The following NCL variants were observed in gnomAD, a reference collection of about 807,000 sequenced individuals.
The protein encoded by NCL is nucleolin multifunctional protein.
In NCL, 4 loss-of-function variants were observed where a neutral mutation model predicts 77.7. The ratio of observed to expected loss-of-function variants is 0.05; its 90% CI spans 0.03 to 0.12. The LOEUF (loss-of-function observed/expected upper bound fraction) is 0.12, where lower values mean the gene tolerates loss of function less well. Among genes scored for constraint, NCL ranks in the 10% least tolerant of loss-of-function variants. The pLI, the probability that NCL is intolerant of heterozygous loss-of-function variation, is 1.00. For synonymous variants in NCL, 344 were observed against 297.8 expected (o/e 1.16, Z -1.60); for missense variants, 763 against 860.9 (o/e 0.89, Z 1.42).
At position 231,455,114 on chromosome 2, in the gene NCL, C is replaced by G. The variant is rs1252571539; in HGVS notation, c.*77G>C. 2.0e-6 allele frequency: 3 copies of G among 1,505,338 alleles called. No individual in the cohort carries two copies. The highest frequency in any genetic ancestry group is 2.8e-6 in the Non-Finnish European group (3 of 1,084,266). The allele number at this position is 1,505,338 out of a possible 1,614,324, so 93.2% of individuals were successfully genotyped here. On this transcript the variant is annotated 3_prime_UTR_variant, in exon 14 of 14. Transcript: ENST00000322723. ...TGTCTTGGAATGTCCTCAGAAGGCT[C>G]TGTCATTGATCAGGTAACAGTAAAA... is the stretch of plus-strand genomic sequence containing the variant.
At position 231,458,294 on chromosome 2, in the gene NCL, A is replaced by G. The variant is rs762577724; in HGVS notation, c.1261T>C (p.Leu421=). The G allele has an allele frequency of 3.7e-6, 6 of 1,614,106 alleles. No individual in the cohort carries two copies. The South Asian group carries it at 5.5e-5, about 15-fold the overall frequency. ...EVFEDAAEIR[L]VSKDGKSKGI... is the part of the protein sequence containing the mutation. ...TTACTTTTCCCATCCTTGCTGACTA[A>G]TCTGATCTCCGCAGCATCTTCAAAC... Residue 421 remains leucine, a synonymous_variant, in exon 8 of 14, where the codon TTA becomes CTA. Coordinates refer to ENST00000322723, the MANE Select transcript of NCL (RefSeq NM_005381.3).
chr2:231,460,783 C>T lies in NCL; in HGVS notation c.697G>A (p.Ala233Thr), dbSNP rs2046941904. The T allele has an allele frequency of 5.6e-6, 9 of 1,614,156 alleles. No homozygotes were observed. The highest frequency in any genetic ancestry group is 7.6e-6 in the Non-Finnish European group (9 of 1,180,014). ...KVVPVKAKNVAEDEDEEEDDE... is the reference protein window; with the variant it reads ...KVVPVKAKNVTEDEDEEEDDE... The stretch of plus-strand genomic sequence containing the variant: ...TCCTCTTCTTCATCTTCATCCTCAG[C>T]CACGTTCTTGGCTTTCACAGGAACA... Residue 233 changes from alanine to threonine, a missense_variant, in exon 4 of 14, where the codon GCT becomes ACT. Physicochemically the swap from Ala to Thr is moderately conservative, Grantham distance 58 (BLOSUM62 0). Transcript: ENST00000322723.
intron 8 of NCL, among the ~76,000 whole-genome samples, chr2:231,458,037 AT>A (rs1355727439): frequency 6.6e-6 from 1 of 152,224 alleles, no homozygotes; most frequent in Non-Finnish European, 1.5e-5. Flanking sequence ...CAAAGTATTT[AT>A]TGTAAGATAG....
chr2:231,455,444 T>G lies in NCL; in HGVS notation c.2013A>C (p.Gly671=), dbSNP rs754163466. 91 of 1,613,922 alleles carry G rather than the reference T, an allele frequency of 5.6e-5. No individual in the cohort carries two copies. Among genetic ancestry groups the G allele is most frequent in the Middle Eastern group, 1.6e-4 (1 of 6,084 alleles). The change falls in exon 13 of 14, where the codon GGA becomes GGC. Residue 671 remains glycine, a synonymous_variant. Coordinates refer to ENST00000322723, the MANE Select transcript of NCL (RefSeq NM_005381.3). ...GGFGGRGGGR[G]GRGGFGGRGR... ...CTCTGCCACCAAATCCTCCTCGGCC[T>G]CCTCTACCACCACCTCGTCCTCCAA... is the stretch of plus-strand genomic sequence containing the variant.
chr2:231,458,832 A>G, intron 7 of NCL, 169 bp downstream of exon 7: 4 of 705,894 alleles, frequency 5.7e-6, no homozygotes, highest in Admixed American at 3.9e-5. Flanking sequence ...AGCAGTGCCA[A>G]GTACTCTTGT....
intron 1 of NCL, 77 bp from the exon 2 acceptor site, chr2:231,463,393 T>C (rs1472318709): frequency 9.9e-6 from 9 of 906,630 alleles, no homozygotes; most frequent in African/African-American, 5.0e-5. Flanking sequence ...TTAGTGTTCA[T>C]ACGCCATCAT....
Position 231,461,677 on chromosome 2 carries a change from T to A in NCL, c.476A>T (p.Asp159Val), listed in dbSNP as rs886423967. 3.1e-6 allele frequency: 5 copies of A among 1,611,996 alleles called. No individual in the cohort carries two copies. The African/African-American group carries it at 6.7e-5, about 22-fold the overall frequency. The change falls in exon 3 of 14, where the codon GAT becomes GTT. Residue 159 changes from aspartate to valine, a missense_variant. Asp to Val is a radical substitution (Grantham distance 152). Around this residue, in one of 2 missense-constraint regions of NCL, gnomAD observed 590 missense variants for 570.5 expected, o/e 1.03. Coordinates refer to ENST00000322723, the MANE Select transcript of NCL (RefSeq NM_005381.3). ...EDDDSEEDEE[D>V]DEDEDEDEDE... ...TTCATCCTCATCCTCGTCCTCGTCATCCTCCTCATCCTCCTCACTGTCATC... is the reference window on the plus strand; with the variant it reads ...TTCATCCTCATCCTCGTCCTCGTCAACCTCCTCATCCTCCTCACTGTCATC...
At chr2:231,458,472 CAT>C in intron 7 of NCL, 83 bp from the exon 8 acceptor site, 1 of 1,487,094 alleles carries the variant, frequency 6.7e-7, no homozygotes, top group Non-Finnish European at 9.2e-7. Flanking sequence ...GAAAAACACA[CAT>C]AGCTCTATTC....
Position 231,456,379 on chromosome 2 carries a change from G to C in NCL, c.1706-243C>G, listed in dbSNP as rs145953863. 961 of 895,386 alleles carry C rather than the reference G, an allele frequency of 1.1e-3. 1 individual carries two copies. The highest frequency in any genetic ancestry group is 3.1e-3 in the Admixed American group (172 of 54,986). The allele number at this position is 895,386 out of a possible 1,614,324, so 55.5% of individuals were successfully genotyped here. A position where few individuals can be genotyped will look rare whatever the true frequency, so the allele number is the denominator to read the frequency against. ...ATGGAAAGTGGGAGAAGCAACCCAA[G>C]CAGGTGGGGCCCAGTGGATGGGGCA... On this transcript the variant is annotated intron_variant, in intron 11 of 13. Transcript: ENST00000322723.
chr2:231,460,278 G>A lies in NCL; in HGVS notation c.914C>T (p.Thr305Met), dbSNP rs535468192. Residue 305 changes from threonine to methionine, a missense_variant, in exon 6 of 14, where the codon ACG (threonine) becomes ATG (methionine). By Grantham distance (81) the Thr-to-Met change is moderately conservative. Coordinates refer to ENST00000322723, the MANE Select transcript of NCL (RefSeq NM_005381.3). ...KQKVEGTEPT[T>M]AFNLFVGNLN... is the part of the protein sequence containing the mutation. ...GTTTCCAACAAAGAGATTGAAAGCCGTAGTCGGTTCTGTGCCTGCACAAAA... is the reference window on the plus strand; with the variant it reads ...GTTTCCAACAAAGAGATTGAAAGCCATAGTCGGTTCTGTGCCTGCACAAAA... 20 of 1,613,934 alleles carry A rather than the reference G, an allele frequency of 1.2e-5. No homozygotes were observed. Among genetic ancestry groups the A allele is most frequent in the East Asian group, 2.2e-5 (1 of 44,904 alleles).
At chr2:231,460,370 A>G (rs755693357) in intron 5 of NCL, 77 bp from the exon 6 acceptor site, 1 of 1,594,572 alleles carries the variant, frequency 6.3e-7, no homozygotes, top group Non-Finnish European at 8.6e-7. Flanking sequence ...TTCTATACAC[A>G]GCACATCAGC....
In NCL at chr2:231,455,563, C is replaced by G; in HGVS notation, c.1894G>C (p.Asp632His). Residue 632 changes from aspartate to histidine, a missense_variant, in exon 13 of 14, where the codon GAC (aspartate) becomes CAC (histidine). This residue lies in a region of NCL where 173 missense variants were observed against 290.4 expected (regional missense o/e 0.60). Transcript: ENST00000322723. ...DAKAAKEAME[D>H]GEIDGNKVTL... ...ACTTTATTTCCATCAATTTCACCGT[C>G]TTCCATGGCCTCCTTGGCAGCTTTG... 6.2e-7 allele frequency: 1 copy of G among 1,614,192 alleles called. No individual in the cohort carries two copies. The highest frequency in any genetic ancestry group is 8.5e-7 in the Non-Finnish European group (1 of 1,180,044).
At chr2:231,462,059 C>A in intron 2 of NCL, 42 bp from the exon 3 acceptor site, 2 of 1,604,264 alleles carry the variant, frequency 1.2e-6, no homozygotes, top group East Asian at 2.2e-5. Flanking sequence ...TCCAGCCCCA[C>A]ACCCAAAAAG....
intron 6 of NCL, 54 bp downstream of exon 6, chr2:231,460,098 G>A (rs142499562): frequency 1.3e-6 from 2 of 1,549,474 alleles, no homozygotes; most frequent in Non-Finnish European, 8.7e-7. Context: ...GCTAACAGGG[G>A]AAGGAAAAGC....
chr2:231,455,256 A>C lies in NCL; in HGVS notation c.2068T>G (p.Phe690Val). Residue 690 changes from phenylalanine (F) to valine (V), a missense_variant, in exon 14 of 14, where the codon TTC (phenylalanine) becomes GTC (valine). Physicochemically the swap from Phe to Val is conservative, Grantham distance 50. Transcript: ENST00000322723. Reference protein sequence around the residue: ...GRGGFGGRGGFRGGRGGGGDH... With the variant: ...GRGGFGGRGGVRGGRGGGGDH... ...CCTCCTCCTCCTCTGCCTCCTCGGAAGCCTCCTCGCCCTACAGGAGGAAGG... is the reference window on the plus strand; with the variant it reads ...CCTCCTCCTCCTCTGCCTCCTCGGACGCCTCCTCGCCCTACAGGAGGAAGG... 6.2e-7 allele frequency: 1 copy of C among 1,613,986 alleles called. No homozygotes were observed. Among genetic ancestry groups the C allele is most frequent in the Non-Finnish European group, 8.5e-7 (1 of 1,179,914 alleles).
In NCL at chr2:231,458,252, T is replaced by C. The variant is rs760761996; in HGVS notation, c.1289+14A>G. On this transcript the variant is annotated intron_variant, in intron 8 of 13. Transcript: ENST00000322723. ...TGTTAATAAAACCCTTACATTTCAA[T>C]AGACAGAACATACCCTTTACTTTTC... The C allele has an allele frequency of 1.4e-5, 22 of 1,600,996 alleles. No individual in the cohort carries two copies. The highest frequency in any genetic ancestry group is 1.8e-5 in the Admixed American group (1 of 56,138).
In NCL at chr2:231,455,628, G is replaced by A. The variant is rs200659063; in HGVS notation, c.1833-4C>T. ...GTTGAAGTCTACAAAACCAAACCTA[G>A]AACACCAAATGAAATTGCCCATTAT... On this transcript the variant is annotated splice_region_variant and splice_polypyrimidine_tract_variant and intron_variant, in intron 12 of 13. Transcript: ENST00000322723. 1.2e-6 allele frequency: 2 copies of A among 1,613,834 alleles called. No homozygotes were observed. Among genetic ancestry groups the A allele is most frequent in the South Asian group, 1.1e-5 (1 of 91,076 alleles).
At chr2:231,460,897 A>C in intron 3 of NCL, 31 bp from the exon 4 acceptor site, 4 of 1,556,316 alleles carry the variant, frequency 2.6e-6, no homozygotes, top group Non-Finnish European at 3.5e-6. Flanking sequence ...AAATTGCAGC[A>C]ATCTCCCAAA....
chr2:231,462,627 C>A (rs980862831), intron 2 of NCL: 1 of 489,968 alleles, frequency 2.0e-6, no homozygotes, highest in Non-Finnish European at 4.1e-6. Flanking sequence ...GTAAAACTTT[C>A]ATTCAGTTCT....
Sources: allele counts gnomAD v4.1 joint callset (sites outside exome capture counted in the v4.1 genomes callset), GRCh38; gene constraint gnomAD v4.1.1; regional missense constraint gnomAD v4.1.1; transcripts MANE v1.5; gene names NCBI Gene and HGNC (gene_info 2026-07-23, HGNC 2026-07-21).